ADAMTS6: variants seen among roughly 807,000 people sequenced by gnomAD.
ADAMTS6 encodes A disintegrin and metalloproteinase with thrombospondin motifs 6.
ADAMTS6 carries 23 observed loss-of-function variants against 144.3 expected under a neutral mutation model. That is an observed-to-expected ratio of 0.16 (90% CI 0.11 to 0.23). The LOEUF (loss-of-function observed/expected upper bound fraction) is 0.23, where lower values mean the gene tolerates loss of function less well. Among genes scored for constraint, ADAMTS6 ranks in the 10% least tolerant of loss-of-function variants. The probability of loss-of-function intolerance (pLI) is 1.00; values close to 1 mark genes in which losing one functional copy is unlikely to be tolerated. For missense variants in ADAMTS6, 999 were observed against 1,379.6 expected, an observed-to-expected ratio of 0.72 and a Z score of 4.37; for synonymous variants, 444 against 457.5, an observed-to-expected ratio of 0.97 and a Z score of 0.38.
rs757046095 is a variant in ADAMTS6, at chr5:65,273,498, T to A, written c.1513-51A>T. ...GATCAGAAATAGAGTCATGTCCAAT[T>A]CTTCCATAAAATACACTTACAGTCA... On this transcript the variant is annotated intron_variant, in intron 11 of 24. Coordinates refer to ENST00000381055, the MANE Select transcript of ADAMTS6 (RefSeq NM_197941.4). 3 of 1,445,420 alleles carry A rather than the reference T, an allele frequency of 2.1e-6. No individual in the cohort carries two copies. In the East Asian group the frequency reaches 6.9e-5, roughly 33 times the overall value. 89.5% of individuals were successfully genotyped at this position (1,445,420 alleles called of 1,614,324 possible).
chr5:65,200,592 C>CA (rs1561273768), intron 20 of ADAMTS6, among the ~76,000 whole-genome samples: 3 of 152,106 alleles, frequency 2.0e-5, no homozygotes, highest in Admixed American at 6.5e-5. Context: ...TAATCAAAAA[C>CA]AAAATTCTAG....
intron 12 of ADAMTS6, among the ~76,000 whole-genome samples, chr5:65,271,948 A>T (rs1011443302): frequency 6.0e-5 from 9 of 150,000 alleles, no homozygotes; most frequent in Admixed American, 1.3e-4. Flanking sequence ...ACAATATCTT[A>T]AAAAAAAAGA....
chr5:65,243,442 T>G (rs1400521072), intron 14 of ADAMTS6, among the ~76,000 whole-genome samples: 1 of 152,124 alleles, frequency 6.6e-6, no homozygotes, highest in Non-Finnish European at 1.5e-5. Flanking sequence ...GTCCAAAGCC[T>G]CAGATTCTGA....
chr5:65,256,944 T>G (rs1275448675), intron 14 of ADAMTS6, among the ~76,000 whole-genome samples: 2 of 147,870 alleles, frequency 1.4e-5, no homozygotes, highest in Non-Finnish European at 1.5e-5. Flanking sequence ...TCTGGTTTAA[T>G]AAATAAGGGT....
intron 11 of ADAMTS6, among the ~76,000 whole-genome samples, chr5:65,275,417 AAAG>A (rs1381551369): frequency 7.1e-6 from 1 of 141,784 alleles, no homozygotes; most frequent in East Asian, 2.1e-4. Flanking sequence ...GAAAGAAAGA[AAAG>A]AAAGAAAGAA....
intron 7 of ADAMTS6, among the ~76,000 whole-genome samples, chr5:65,397,876 T>TTA (rs1753489439): frequency 8.2e-6 from 1 of 121,700 alleles, no homozygotes; most frequent in Non-Finnish European, 1.7e-5. Context: ...GACCCTGTCT[T>TTA]AAAAAAAAAA....
At chr5:65,374,807 T>C (rs1751353193) in intron 7 of ADAMTS6, among the ~76,000 whole-genome samples, 2 of 152,176 alleles carry the variant, frequency 1.3e-5, no homozygotes, top group South Asian at 4.1e-4. Context: ...GCCATGTCAA[T>C]CCTAAGCCAA....
At chr5:65,157,823 G>C (rs1752520771) in intron 24 of ADAMTS6, among the ~76,000 whole-genome samples, 1 of 152,106 alleles carries the variant, frequency 6.6e-6, no homozygotes, top group South Asian at 2.1e-4. Context: ...ATTCAGACTA[G>C]AAAAGGATGA....
chr5:65,320,047 T>C (rs146075990), intron 9 of ADAMTS6, among the ~76,000 whole-genome samples: 1,652 of 152,218 alleles, frequency 0.011, 33 homozygotes, highest in African/African-American at 0.038. Context: ...TTCTCCTTGT[T>C]GGTAAGGCTG....
At chr5:65,370,148 G>A (rs1750715393) in intron 7 of ADAMTS6, among the ~76,000 whole-genome samples, 1 of 152,114 alleles carries the variant, frequency 6.6e-6, no homozygotes, top group South Asian at 2.1e-4. Context: ...GGTGGCTCAC[G>A]CCTGTAATCC....
intron 7 of ADAMTS6, among the ~76,000 whole-genome samples, chr5:65,429,196 A>G (rs1756797995): frequency 6.6e-6 from 1 of 152,224 alleles, no homozygotes; most frequent in Non-Finnish European, 1.5e-5. Flanking sequence ...TACTCAGAGT[A>G]AAGGAATGTC....
rs570976493 is a variant in ADAMTS6 at position 65,373,291 on chromosome 5, G to A, written c.1074-39206C>T. ...ACTGAAGGAAATAGAGACACAAAAA[G>A]CCCTTCAAAAAATCAATGAATCCAG... On this transcript the variant is annotated intron_variant, in intron 7 of 24. Coordinates refer to ENST00000381055, the MANE Select transcript of ADAMTS6 (RefSeq NM_197941.4). 6.8e-4 allele frequency among the ~76,000 whole-genome samples: 102 copies of A among 150,838 alleles called. 1 individual carries two copies. In the South Asian group the frequency reaches 0.018, roughly 27 times the overall value.
At chr5:65,391,438 AC>A (rs1425767005) in intron 7 of ADAMTS6, among the ~76,000 whole-genome samples, 6 of 151,996 alleles carry the variant, frequency 3.9e-5, no homozygotes, top group African/African-American at 1.5e-4. Context: ...ACACACACAC[AC>A]ACACACACAC....
chr5:65,229,536 G>A (rs1039030858), intron 15 of ADAMTS6, among the ~76,000 whole-genome samples: 4 of 152,084 alleles, frequency 2.6e-5, no homozygotes, highest in Admixed American at 2.0e-4. Flanking sequence ...AGCTATAAGA[G>A]AACACAGACA....
intron 7 of ADAMTS6, among the ~76,000 whole-genome samples, chr5:65,380,659 T>C (rs1014352499): frequency 1.1e-4 from 16 of 152,304 alleles, no homozygotes; most frequent in Admixed American, 6.5e-4. Context: ...AAATTTATTT[T>C]TGCATTTCTT....
intron 15 of ADAMTS6, among the ~76,000 whole-genome samples, chr5:65,234,266 G>A (rs1255571419): frequency 1.3e-5 from 2 of 151,782 alleles, no homozygotes; most frequent in Non-Finnish European, 2.9e-5. Flanking sequence ...GACAAAAAAT[G>A]CCAAAATAAA....
chr5:65,280,532 A>T (rs1193601716), intron 11 of ADAMTS6, among the ~76,000 whole-genome samples: 2 of 152,148 alleles, frequency 1.3e-5, no homozygotes, highest in Non-Finnish European at 2.9e-5. Context: ...TTTAAATATG[A>T]GAAAGCTTGC....
At chr5:65,416,385 T>C (rs1755511685) in intron 7 of ADAMTS6, among the ~76,000 whole-genome samples, 1 of 152,160 alleles carries the variant, frequency 6.6e-6, no homozygotes, top group Admixed American at 6.6e-5. Context: ...AATTTTTAAG[T>C]TCTTCAAAAG....
At chr5:65,443,622 CAAAA>C (rs59240974) in intron 7 of ADAMTS6, among the ~76,000 whole-genome samples, 1,145 of 69,072 alleles carry the variant, frequency 0.017, 12 homozygotes, top group African/African-American at 0.051. Flanking sequence ...GACCCTGTCT[CAAAA>C]AAAAAAAAAA....
Sources: allele counts gnomAD v4.1 joint callset (sites outside exome capture counted in the v4.1 genomes callset), GRCh38; gene constraint gnomAD v4.1.1; transcripts MANE v1.5; gene names NCBI Gene and HGNC (gene_info 2026-07-23, HGNC 2026-07-21).